Variants in CRTAM observed in about 807,000 individuals in gnomAD.
CRTAM encodes cytotoxic and regulatory T cell molecule, also known as cytotoxic and regulatory T-cell molecule.
In CRTAM, 44 loss-of-function variants were observed where a neutral mutation model predicts 50.0. That is an observed-to-expected ratio of 0.88 (90% confidence interval 0.69 to 1.13). The LOEUF is 1.13. Ranked by LOEUF, CRTAM falls within the 50% of genes most tolerant of loss-of-function variation. CRTAM has a pLI of 0.00. For synonymous variants in CRTAM, 159 were observed against 169.3 expected (o/e 0.94, Z 0.47); for missense variants, 448 against 457.5 (o/e 0.98, Z 0.19).
intron 3 of CRTAM, among the ~76,000 whole-genome samples, chr11:122,852,554 T>C (rs1198139476): frequency 6.6e-6 from 1 of 152,192 alleles, no homozygotes; most frequent in Non-Finnish European, 1.5e-5. Flanking sequence ...AGACTTCTCC[T>C]GTTGAATTAC....
At chr11:122,849,974 A>G in intron 1 of CRTAM, 94 bp from the exon 2 acceptor site, 9 of 1,273,156 alleles carry the variant, frequency 7.1e-6, no homozygotes, top group Non-Finnish European at 8.3e-6. Flanking sequence ...TCTAGAAGAA[A>G]TAGATAATAC....
At chr11:122,857,444 G>A (rs1251387204) in intron 5 of CRTAM, among the ~76,000 whole-genome samples, 1 of 152,196 alleles carries the variant, frequency 6.6e-6, no homozygotes, top group Non-Finnish European at 1.5e-5. Context: ...ACTCCAGCCT[G>A]GGCAACAGAG....
At chr11:122,852,679 T>TA (rs1417882785) in intron 3 of CRTAM, among the ~76,000 whole-genome samples, 1 of 152,174 alleles carries the variant, frequency 6.6e-6, no homozygotes, top group Non-Finnish European at 1.5e-5. Context: ...TGTCTTTTTG[T>TA]AAGGGAGCAC....
Position 122,851,674 on chromosome 11 carries a change from C to T in CRTAM, c.194-19C>T. 6.2e-7 allele frequency: 1 copy of T among 1,613,466 alleles called. No individual in the cohort carries two copies. Among genetic ancestry groups the T allele is most frequent in the Non-Finnish European group, 8.5e-7 (1 of 1,179,410 alleles). On this transcript the variant is annotated intron_variant, in intron 2 of 9. Coordinates refer to ENST00000227348, the MANE Select transcript of CRTAM (RefSeq NM_019604.4). ...TCGGATATCTTTCCTCATAACAGCT[C>T]TATTTCCCTCTTGTACAGCTTTAAA...
In CRTAM at chr11:122,854,030, G is replaced by A; in HGVS notation, c.434G>A (p.Arg145Lys). The change falls in exon 4 of 10, where the codon AGA (arginine) becomes AAA (lysine). Residue 145 changes from arginine to lysine, a missense_variant. Coordinates refer to ENST00000227348, the MANE Select transcript of CRTAM (RefSeq NM_019604.4). ...EHVVLMCSTMRSKPPPQITWL... is the reference protein window; with the variant it reads ...EHVVLMCSTMKSKPPPQITWL... ...GTTGTACTCATGTGCTCCACCATGA[G>A]AAGCAAGCCCCCTCCGCAGATAACC... 1.2e-6 allele frequency: 2 copies of A among 1,614,156 alleles called. No individual in the cohort carries two copies. Among genetic ancestry groups the A allele is most frequent in the Non-Finnish European group, 1.7e-6 (2 of 1,180,026 alleles).
intron 6 of CRTAM, 106 bp from the exon 7 acceptor site, chr11:122,864,530 A>G: frequency 1.5e-6 from 1 of 675,722 alleles, no homozygotes; most frequent in Non-Finnish European, 2.6e-6. Flanking sequence ...CTGTTTTTAA[A>G]TTTGGCTTCC....
chr11:122,854,893 G>A (rs2135240760), intron 4 of CRTAM, among the ~76,000 whole-genome samples: 1 of 152,056 alleles, frequency 6.6e-6, no homozygotes, highest in Admixed American at 6.5e-5. Flanking sequence ...ATGGTGTCTG[G>A]GTACTGTTTA....
chr11:122,867,372 C>A (rs1284449288), intron 7 of CRTAM, 37 bp from the exon 8 acceptor site: 1 of 1,525,438 alleles, frequency 6.6e-7, no homozygotes. Context: ...AAAAAAAAAC[C>A]CAAAGTATCT....
chr11:122,864,743 G>A (rs1862146670), intron 7 of CRTAM, 24 bp downstream of exon 7: 2 of 1,532,250 alleles, frequency 1.3e-6, no homozygotes, highest in Non-Finnish European at 1.8e-6. Flanking sequence ...ACTGCATTTA[G>A]AATAAACACT....
intron 1 of CRTAM, among the ~76,000 whole-genome samples, chr11:122,847,304 T>G (rs1336845138): frequency 6.6e-6 from 1 of 152,082 alleles, no homozygotes; most frequent in Non-Finnish European, 1.5e-5. Flanking sequence ...GACACAGAGA[T>G]GATTATAAAC....
In CRTAM at chr11:122,855,722, A is replaced by G. The variant is rs35136295; in HGVS notation, c.518A>G (p.Asp173Gly). 2.7e-3 allele frequency: 4,291 copies of G among 1,614,064 alleles called. 126 individuals are homozygous for G. In the African/African-American group the frequency reaches 0.05, roughly 19 times the overall value. ...SGGTLHEFET[D>G]GKKCNTTSTL... is the part of the protein sequence containing the mutation. Reference sequence around the variant, plus strand: ...GGAACGCTCCATGAATTTGAAACTGATGGGAAGAAATGTAATACTACCAGC... The same window carrying G: ...GGAACGCTCCATGAATTTGAAACTGGTGGGAAGAAATGTAATACTACCAGC... Residue 173 changes from aspartate to glycine, a missense_variant, in exon 5 of 10, where the codon GAT (aspartate) becomes GGT (glycine). By Grantham distance (94) the Asp-to-Gly change is moderately conservative. Transcript: ENST00000227348.
intron 1 of CRTAM, among the ~76,000 whole-genome samples, chr11:122,843,615 C>T (rs893582656): frequency 6.6e-6 from 1 of 152,158 alleles, no homozygotes; most frequent in Non-Finnish European, 1.5e-5. Flanking sequence ...ATGTACATGT[C>T]TCTAGAGCCT....
chr11:122,849,935 T>G, intron 1 of CRTAM, 133 bp from the exon 2 acceptor site: 3 of 778,130 alleles, frequency 3.9e-6, no homozygotes, highest in Non-Finnish European at 1.9e-6. Context: ...TCCCCTCCCA[T>G]TTTGTTTGTA....
Position 122,840,814 on chromosome 11 carries a change from AG to A in CRTAM, c.46+2223del, listed in dbSNP as rs1222270344. ...GCCAAAAATTTATGGAAAAAAAAAA[AG>A]TCACGTAATCTCAGAGCCTGCCCTC... On this transcript the variant is annotated intron_variant, in intron 1 of 9. Coordinates refer to ENST00000227348, the MANE Select transcript of CRTAM (RefSeq NM_019604.4). 7.2e-5 allele frequency among the ~76,000 whole-genome samples: 11 copies of A among 152,262 alleles called. No individual in the cohort carries two copies. In the East Asian group the frequency reaches 1.9e-3, roughly 27 times the overall value.
At chr11:122,846,893 A>G (rs1761784249) in intron 1 of CRTAM, among the ~76,000 whole-genome samples, 1 of 152,238 alleles carries the variant, frequency 6.6e-6, no homozygotes, top group African/African-American at 2.4e-5. Context: ...ATGTTTAATA[A>G]TAAATAGTCC....
chr11:122,847,011 G>A (rs894530460), intron 1 of CRTAM, among the ~76,000 whole-genome samples: 2 of 152,150 alleles, frequency 1.3e-5, no homozygotes, highest in African/African-American at 2.4e-5. Context: ...AGTCAGTTCA[G>A]CTTTTCAAAT....
intron 1 of CRTAM, among the ~76,000 whole-genome samples, chr11:122,846,280 AAGAG>A (rs1177914679): frequency 6.6e-6 from 1 of 152,174 alleles, no homozygotes; most frequent in East Asian, 1.9e-4. Flanking sequence ...TGATGAAGAG[AAGAG>A]AGAAGTGGGA....
intron 3 of CRTAM, among the ~76,000 whole-genome samples, chr11:122,852,397 T>A (rs1171244605): frequency 6.6e-6 from 1 of 152,220 alleles, no homozygotes; most frequent in South Asian, 2.1e-4. Flanking sequence ...TACCTGGGAC[T>A]TACTCAGTTC....
chr11:122,863,474 G>A (rs1862126728), intron 6 of CRTAM, among the ~76,000 whole-genome samples: 2 of 152,168 alleles, frequency 1.3e-5, no homozygotes, highest in South Asian at 2.1e-4. Context: ...CATGTAATGT[G>A]TCAATAATAA....
Sources: gnomAD v4.1 joint callset for allele counts (sites outside exome capture counted in the v4.1 genomes callset) on GRCh38, gnomAD v4.1.1 for gene constraint, MANE v1.5 for transcripts, NCBI Gene and HGNC (gene_info 2026-07-23, HGNC 2026-07-21) for gene names.